Variants in FANCD2 observed in about 807,000 individuals in gnomAD.
FANCD2 encodes FA complementation group D2, also known as Fanconi anemia group D2 protein.
Under a neutral mutation model 192.3 loss-of-function variants are expected in FANCD2, and 131 were observed. The ratio of observed to expected loss-of-function variants is 0.68; its 90% CI spans 0.59 to 0.79. The LOEUF (loss-of-function observed/expected upper bound fraction) is 0.79. Ranked by LOEUF, FANCD2 falls within the 30% of genes least tolerant of loss-of-function variation. The probability of loss-of-function intolerance (pLI) is 0.00; values close to 1 mark genes in which losing one functional copy is unlikely to be tolerated. For synonymous variants in FANCD2, 524 were observed against 612.5 expected, an observed-to-expected ratio of 0.86 and a Z score of 2.13; for missense variants, 1,508 against 1,701.6, an observed-to-expected ratio of 0.89 and a Z score of 2.00.
chr3:10,034,631 G>A, intron 4 of FANCD2, 64 bp from the exon 5 acceptor site: 1 of 1,505,968 alleles, frequency 6.6e-7, no homozygotes, highest in South Asian at 1.1e-5. Context: ...GGGCTAGAAT[G>A]ATTTTTAACA....
At chr3:10,094,462 G>A (rs1373331389) in intron 40 of FANCD2, 99 bp downstream of exon 40, 1 of 995,734 alleles carries the variant, frequency 1.0e-6, no homozygotes, top group Non-Finnish European at 1.6e-6. Context: ...GTTCTACCTG[G>A]GCTCCTCTGG....
chr3:10,084,504 C>T (rs1448421305), intron 32 of FANCD2, among the ~76,000 whole-genome samples: 1 of 151,612 alleles, frequency 6.6e-6, no homozygotes, highest in Non-Finnish European at 1.5e-5. Flanking sequence ...CGCCATGTTG[C>T]CCCCAGGCTG....
intron 29 of FANCD2, among the ~76,000 whole-genome samples, chr3:10,075,728 C>CTTTTTTTTT (rs71052292): frequency 1.9e-5 from 2 of 106,634 alleles, no homozygotes; most frequent in African/African-American, 3.7e-5. Flanking sequence ...AAATAGTATC[C>CTTTTTTTTT]TTTTTTTTTT....
intron 18 of FANCD2, among the ~76,000 whole-genome samples, chr3:10,054,428 TGTATATACATGTATATAC>T (rs2087328890): frequency 2.6e-5 from 2 of 77,298 alleles, no homozygotes; most frequent in Non-Finnish European, 4.3e-5. Context: ...CATATATACA[TGTATATACATGTATATAC>T]ATATATATAT....
At chr3:10,090,264 G>A (rs1411332107) in intron 36 of FANCD2, 28 bp from the exon 37 acceptor site, 2 of 1,524,442 alleles carry the variant, frequency 1.3e-6, no homozygotes, top group Non-Finnish European at 1.8e-6. Flanking sequence ...ATCATGGTGT[G>A]GGCACGCATG....
rs566712088 is a variant in FANCD2 at position 10,070,411 on chromosome 3, G to A, written c.2495-2460G>A. ...AGCCCCCCGCCCGGCCAGCTGCCCC[G>A]TCCGGGAGGTGAGGGGCGCCTCTGC... On this transcript the variant is annotated intron_variant, in intron 26 of 43. Transcript: ENST00000675286. 1.6e-4 allele frequency among the ~76,000 whole-genome samples: 22 copies of A among 139,088 alleles called. No homozygotes were observed. In the South Asian group the frequency reaches 4.9e-3, roughly 31 times the overall value. 91.2% of individuals were successfully genotyped at this position (139,088 alleles called of 152,430 possible). A position where few individuals can be genotyped will look rare whatever the true frequency, so the allele number is the denominator to read the frequency against.
At chr3:10,079,637 T>A (rs1321298320) in intron 30 of FANCD2, among the ~76,000 whole-genome samples, 1 of 152,174 alleles carries the variant, frequency 6.6e-6, no homozygotes, top group Non-Finnish European at 1.5e-5. Context: ...CGAAATGTAT[T>A]TCTAAATGCC....
chr3:10,091,942 C>T (rs1261815611), intron 37 of FANCD2, among the ~76,000 whole-genome samples: 3 of 152,166 alleles, frequency 2.0e-5, no homozygotes, highest in Non-Finnish European at 4.4e-5. Flanking sequence ...CTTTTACTTA[C>T]TTGGGAATTG....
chr3:10,076,550 T>C (rs1370013022), intron 29 of FANCD2, among the ~76,000 whole-genome samples: 2 of 152,084 alleles, frequency 1.3e-5, no homozygotes, highest in African/African-American at 4.8e-5. Flanking sequence ...CTTGCCTCTT[T>C]TTTCTTTTTA....
At chr3:10,092,070 G>T (rs1011161869) in intron 37 of FANCD2, 111 bp from the exon 38 acceptor site, 1 of 846,674 alleles carries the variant, frequency 1.2e-6, no homozygotes, top group East Asian at 2.4e-5. Flanking sequence ...AAGGATAATT[G>T]GCTTAAATAT....
intron 19 of FANCD2, among the ~76,000 whole-genome samples, chr3:10,061,278 T>C (rs1039506870): frequency 6.6e-6 from 1 of 152,232 alleles, no homozygotes; most frequent in African/African-American, 2.4e-5. Context: ...TTATACTTTC[T>C]CTAAGAAATC....
intron 26 of FANCD2, 50 bp downstream of exon 26, chr3:10,067,367 A>G (rs1455093762): frequency 9.1e-7 from 1 of 1,100,102 alleles, no homozygotes; most frequent in Admixed American, 1.8e-5. Flanking sequence ...GTAGTGAGGC[A>G]ATAAAGCACT....
chr3:10,073,124 A>G, intron 27 of FANCD2, 129 bp from the exon 28 acceptor site: 1 of 867,114 alleles, frequency 1.2e-6, no homozygotes, highest in South Asian at 1.4e-5. Flanking sequence ...AATATACTGT[A>G]ATTTAGGGTT....
At chr3:10,038,980 CTT>C (rs763235057) in intron 7 of FANCD2, among the ~76,000 whole-genome samples, 132 of 152,110 alleles carry the variant, frequency 8.7e-4, no homozygotes, top group Non-Finnish European at 1.4e-3. Flanking sequence ...TTAACATTGT[CTT>C]TTTAAAAATT....
At chr3:10,054,436 CATGTATATACATAT>C (rs1159970269) in intron 18 of FANCD2, among the ~76,000 whole-genome samples, 37 of 56,558 alleles carry the variant, frequency 6.5e-4, no homozygotes, top group Non-Finnish European at 8.2e-4. Flanking sequence ...CATGTATATA[CATGTATATACATAT>C]ATATATATAT....
chr3:10,098,953 G>A (rs1407105237), intron 43 of FANCD2, 138 bp downstream of exon 43: 1 of 1,614,174 alleles, frequency 6.2e-7, no homozygotes, highest in South Asian at 1.1e-5. Context: ...CTCCATAACA[G>A]CTTCTGTGCT....
intron 2 of FANCD2, among the ~76,000 whole-genome samples, chr3:10,030,885 G>A (rs1413004174): frequency 6.7e-6 from 1 of 149,374 alleles, no homozygotes; most frequent in Non-Finnish European, 1.5e-5. Context: ...GGGCAACAGA[G>A]CAAGACTCTT....
chr3:10,026,455 G>C lies in FANCD2; in HGVS notation c.-52G>C. ...GCCTGGCGGGAAAGTCGAAAACTAC[G>C]GGCGGCGACGGCTTCTCGGTGAGTA... On this transcript the variant is annotated 5_prime_UTR_variant, in exon 1 of 44. Coordinates refer to ENST00000675286, the MANE Select transcript of FANCD2 (RefSeq NM_001018115.3). 4 of 446,214 alleles carry C rather than the reference G, an allele frequency of 9.0e-6. No individual in the cohort carries two copies. Among genetic ancestry groups the C allele is most frequent in the Non-Finnish European group, 1.2e-5 (4 of 332,820 alleles). 27.6% of individuals were successfully genotyped at this position (446,214 alleles called of 1,614,324 possible). A position where few individuals can be genotyped will look rare whatever the true frequency, so the allele number is the denominator to read the frequency against.
chr3:10,069,751 G>C (rs890753984), intron 26 of FANCD2, among the ~76,000 whole-genome samples: 14 of 152,156 alleles, frequency 9.2e-5, no homozygotes, highest in African/African-American at 1.9e-4. Flanking sequence ...GACGGAGTCT[G>C]GTTCACTCAG....
Sources: allele counts gnomAD v4.1 joint callset (sites outside exome capture counted in the v4.1 genomes callset), GRCh38; gene constraint gnomAD v4.1.1; transcripts MANE v1.5; gene names NCBI Gene and HGNC (gene_info 2026-07-23, HGNC 2026-07-21).